The following AKAP7 variants were observed in gnomAD, a reference collection of about 807,000 sequenced individuals.
The protein encoded by AKAP7 is A-kinase anchoring protein 7, also known as A kinase (PRKA) anchor protein 7.
In AKAP7, 39 loss-of-function variants were observed where a neutral mutation model predicts 39.5. The observed-to-expected ratio is 0.99, with a 90% CI of 0.76 to 1.29. AKAP7 has a LOEUF of 1.29. Ranked by LOEUF, AKAP7 falls within the 50% of genes most tolerant of loss-of-function variation. The probability of loss-of-function intolerance (pLI) is 0.00; values close to 1 mark genes in which losing one functional copy is unlikely to be tolerated. For missense variants in AKAP7, 414 were observed against 407.7 expected (o/e 1.02, Z -0.13); for synonymous variants, 140 against 139.1 (o/e 1.01, Z -0.05).
At chr6:131,215,245 A>T (rs1487424420) in intron 6 of AKAP7, among the ~76,000 whole-genome samples, 2 of 152,226 alleles carry the variant, frequency 1.3e-5, no homozygotes, top group Non-Finnish European at 2.9e-5. Flanking sequence ...CCTCAGCAAG[A>T]CAGCAAACAG....
intron 5 of AKAP7, among the ~76,000 whole-genome samples, chr6:131,180,107 C>T (rs1282840365): frequency 6.6e-6 from 1 of 152,190 alleles, no homozygotes; most frequent in African/African-American, 2.4e-5. Context: ...ACCTTCTACC[C>T]CTCTCTCAGC....
rs1815260724 is a variant in AKAP7 at position 131,282,254 on chromosome 6, G to A, written c.*528G>A. ...GTGATCTTTATTTATAGTAAATTATGTTTCATGTAAATGATATATTTTTGG... is the reference window on the plus strand; with the variant it reads ...GTGATCTTTATTTATAGTAAATTATATTTCATGTAAATGATATATTTTTGG... On this transcript the variant is annotated 3_prime_UTR_variant, in exon 8 of 8. Coordinates refer to ENST00000431975, the MANE Select transcript of AKAP7 (RefSeq NM_016377.4). The A allele has an allele frequency of 1.5e-6, 2 of 1,357,320 alleles. No homozygotes were observed. Among genetic ancestry groups the A allele is most frequent in the Middle Eastern group, 2.7e-4 (1 of 3,644 alleles). 84.1% of individuals were successfully genotyped at this position (1,357,320 alleles called of 1,614,324 possible). A position where few individuals can be genotyped will look rare whatever the true frequency, so the allele number is the denominator to read the frequency against.
At chr6:131,234,575 T>G (rs1810883754) in intron 7 of AKAP7, among the ~76,000 whole-genome samples, 1 of 152,128 alleles carries the variant, frequency 6.6e-6, no homozygotes, top group Non-Finnish European at 1.5e-5. Flanking sequence ...ACTCTGCACA[T>G]GAATTACTTA....
intron 2 of AKAP7, among the ~76,000 whole-genome samples, chr6:131,159,196 C>A (rs1280403284): frequency 6.6e-6 from 1 of 152,110 alleles, no homozygotes; most frequent in Non-Finnish European, 1.5e-5. Flanking sequence ...TGGGTTCATG[C>A]CATTCTCCTG....
At position 131,135,727 on chromosome 6, in the gene AKAP7, C is replaced by G. The variant is rs111320335; in HGVS notation, c.-37C>G. ...GGACGCGGCCCGCCACCGCCGCTGCCGCCAGCCCAGACGCGCCGCCCGCAT... is the reference window on the plus strand; with the variant it reads ...GGACGCGGCCCGCCACCGCCGCTGCGGCCAGCCCAGACGCGCCGCCCGCAT... On this transcript the variant is annotated 5_prime_UTR_variant, in exon 1 of 8. Coordinates refer to ENST00000431975, the MANE Select transcript of AKAP7 (RefSeq NM_016377.4). 2.5e-6 allele frequency: 3 copies of G among 1,211,474 alleles called. No individual in the cohort carries two copies. The highest frequency in any genetic ancestry group is 3.1e-6 in the Non-Finnish European group (3 of 977,152). The allele number at this position is 1,211,474 out of a possible 1,614,324, so 75.0% of individuals were successfully genotyped here.
At chr6:131,127,568 A>G in the AKAP7 span, among the ~76,000 whole-genome samples, 1 of 152,226 alleles carries the variant, frequency 6.6e-6, no homozygotes, top group African/African-American at 2.4e-5. Context: ...AGGAAAATTA[A>G]TACATAAGAC....
chr6:131,219,924 C>T, intron 7 of AKAP7, 116 bp downstream of exon 7: 1 of 695,232 alleles, frequency 1.4e-6, no homozygotes. Context: ...ATATACTTTC[C>T]TAAATATTAT....
At chr6:131,276,118 A>T (rs1053240091) in intron 7 of AKAP7, among the ~76,000 whole-genome samples, 1 of 152,262 alleles carries the variant, frequency 6.6e-6, no homozygotes, top group South Asian at 2.1e-4. Flanking sequence ...TTTTGTACAT[A>T]CAGCAACATC....
At chr6:131,232,784 T>C (rs1810733044) in intron 7 of AKAP7, among the ~76,000 whole-genome samples, 1 of 152,008 alleles carries the variant, frequency 6.6e-6, no homozygotes, top group Admixed American at 6.6e-5. Flanking sequence ...AAAGCAAGAC[T>C]GTCTCAAAAA....
intron 5 of AKAP7, among the ~76,000 whole-genome samples, chr6:131,180,749 T>C (rs1805113441): frequency 6.6e-6 from 1 of 152,130 alleles, no homozygotes; most frequent in Non-Finnish European, 1.5e-5. Context: ...ACGAATGCTC[T>C]AGATTTATTC....
At chr6:131,230,299 C>G (rs565242992) in intron 7 of AKAP7, among the ~76,000 whole-genome samples, 1 of 152,058 alleles carries the variant, frequency 6.6e-6, no homozygotes, top group African/African-American at 2.4e-5. Flanking sequence ...CTGACTGGTG[C>G]GAGATGATAT....
chr6:131,140,809 C>T (rs998073646), intron 1 of AKAP7, among the ~76,000 whole-genome samples: 1 of 152,280 alleles, frequency 6.6e-6, no homozygotes, highest in African/African-American at 2.4e-5. Context: ...CCCAAAGGTA[C>T]AGGATGTGTA....
At chr6:131,224,948 G>C (rs1482702049) in intron 7 of AKAP7, among the ~76,000 whole-genome samples, 3 of 151,358 alleles carry the variant, frequency 2.0e-5, no homozygotes, top group Non-Finnish European at 4.4e-5. Context: ...GTAGAGACAG[G>C]GTTTTGCCAT....
chr6:131,176,343 A>G (rs1163200397), intron 5 of AKAP7, among the ~76,000 whole-genome samples: 2 of 151,928 alleles, frequency 1.3e-5, no homozygotes, highest in African/African-American at 4.8e-5. Context: ...CCAGTAGCTG[A>G]TAGAATTAAG....
chr6:131,241,627 G>GTGTGTGTATATACGTA, intron 7 of AKAP7, among the ~76,000 whole-genome samples: 2 of 86,636 alleles, frequency 2.3e-5, no homozygotes, highest in African/African-American at 1.0e-4. Flanking sequence ...GTGTGTGTGT[G>GTGTGTGTATATACGTA]TATATATATA....
chr6:131,131,047 T>C (rs1005937319), upstream of AKAP7, among the ~76,000 whole-genome samples: 1 of 152,202 alleles, frequency 6.6e-6, no homozygotes, highest in Non-Finnish European at 1.5e-5. Flanking sequence ...TGAGCAGGTA[T>C]ATGCAAACCT....
chr6:131,274,701 C>G (rs1302035251), intron 7 of AKAP7, among the ~76,000 whole-genome samples: 1 of 152,128 alleles, frequency 6.6e-6, no homozygotes, highest in Admixed American at 6.5e-5. Flanking sequence ...TTATCCCCAC[C>G]TGTTTTCTAG....
chr6:131,281,386 A>G lies in AKAP7; in HGVS notation c.851-144A>G. 1 of 600,440 alleles carries G rather than the reference A, an allele frequency of 1.7e-6. No homozygotes were observed. Among genetic ancestry groups the G allele is most frequent in the Non-Finnish European group, 2.7e-6 (1 of 374,340 alleles). 37.2% of individuals were successfully genotyped at this position (600,440 alleles called of 1,614,324 possible). A position where few individuals can be genotyped will look rare whatever the true frequency, so the allele number is the denominator to read the frequency against. On this transcript the variant is annotated intron_variant, in intron 7 of 7. Coordinates refer to ENST00000431975, the MANE Select transcript of AKAP7 (RefSeq NM_016377.4). The surrounding 1 kb of genome is among the most constrained non-coding windows in gnomAD (Gnocchi z 4.0). The stretch of plus-strand genomic sequence containing the variant: ...AGGCTCCTGCTTCTGCAAATACCAA[A>G]TGAAAAGCCAACCCACTGTTCTTGA...
chr6:131,162,752 T>C (rs905946634), intron 3 of AKAP7, among the ~76,000 whole-genome samples: 16 of 152,154 alleles, frequency 1.1e-4, no homozygotes, highest in Non-Finnish European at 7.4e-5. Context: ...GAGCTTTCTC[T>C]TTGCTCCTCT....
Sources: gnomAD v4.1 joint callset for allele counts (sites outside exome capture counted in the v4.1 genomes callset) on GRCh38, gnomAD v4.1.1 for gene constraint, Gnocchi (gnomAD v3.1) non-coding constraint, MANE v1.5 for transcripts, NCBI Gene and HGNC (gene_info 2026-07-23, HGNC 2026-07-21) for gene names.